Variants in RP1 observed in about 807,000 individuals in gnomAD.
RP1 encodes the protein oxygen-regulated protein 1.
In RP1, 16 loss-of-function variants were observed where a neutral mutation model predicts 14.8. The ratio of observed to expected loss-of-function variants is 1.08; its 90% confidence interval spans 0.73 to 1.65. The LOEUF (loss-of-function observed/expected upper bound fraction) is 1.65. RP1 is among the 40% of genes most tolerant of loss of function. The pLI is 0.00. For missense variants in RP1, 2,631 were observed against 2,535.0 expected (o/e 1.04, Z -0.81); for synonymous variants, 876 against 883.6 (o/e 0.99, Z 0.15).
At chr8:54,769,967 G>T in exon 23 of RP1, 1 of 563,762 alleles carries the variant, frequency 1.8e-6, no homozygotes, top group South Asian at 2.7e-5. Flanking sequence ...CATATGTAAA[G>T]CTGTGTCTTA....
At chr8:54,562,294 A>G (rs11992940) in intron 1 of RP1, among the ~76,000 whole-genome samples, 3,259 of 152,360 alleles carry the variant, frequency 0.021, 116 homozygotes, top group African/African-American at 0.073. Context: ...ATTAAATTGC[A>G]TGATTCACAT....
intron 16 of RP1, among the ~76,000 whole-genome samples, chr8:54,721,144 A>G (rs577528010): frequency 6.6e-6 from 1 of 152,354 alleles, no homozygotes; most frequent in East Asian, 1.9e-4. Flanking sequence ...ATGATGGTAT[A>G]TTTGGTCCTG....
chr8:54,719,593 A>G (rs892403531), intron 15 of RP1, among the ~76,000 whole-genome samples: 2 of 152,220 alleles, frequency 1.3e-5, no homozygotes, highest in Non-Finnish European at 2.9e-5. Context: ...TAATAATCTG[A>G]GGGTGTATAG....
chr8:54,803,797 C>T (rs1728851855), intron 24 of RP1, among the ~76,000 whole-genome samples: 1 of 152,146 alleles, frequency 6.6e-6, no homozygotes, highest in African/African-American at 2.4e-5. Flanking sequence ...GGGCCGGGCA[C>T]AATGGCTCAT....
At chr8:54,772,349 A>G (rs1809929921), downstream of RP1, among the ~76,000 whole-genome samples, 1 of 151,922 alleles carries the variant, frequency 6.6e-6, no homozygotes, top group African/African-American at 2.4e-5. Flanking sequence ...CAATAAATTT[A>G]TATTAATTAT....
chr8:54,813,113 C>T (rs1011151839), intron 24 of RP1, among the ~76,000 whole-genome samples: 4 of 152,290 alleles, frequency 2.6e-5, no homozygotes, highest in South Asian at 2.1e-4. Context: ...AAAGTGAAGC[C>T]GTAGGCATTG....
At chr8:54,719,844 A>G (rs943626561) in intron 15 of RP1, among the ~76,000 whole-genome samples, 1 of 152,228 alleles carries the variant, frequency 6.6e-6, no homozygotes, top group African/African-American at 2.4e-5. Context: ...GAGCAACTCT[A>G]AAATGAAATA....
chr8:54,852,315 A>C (rs1812076233), intron 25 of RP1, among the ~76,000 whole-genome samples: 1 of 152,178 alleles, frequency 6.6e-6, no homozygotes, highest in South Asian at 2.1e-4. Flanking sequence ...GTGAAAGTGC[A>C]GTGGTTATTG....
At chr8:54,794,801 T>C (rs893126185) in intron 24 of RP1, among the ~76,000 whole-genome samples, 3 of 151,732 alleles carry the variant, frequency 2.0e-5, no homozygotes, top group African/African-American at 7.3e-5. Context: ...TGAGTTGAAA[T>C]GAAATGGGAA....
At chr8:54,797,247 G>A (rs1810598494) in intron 24 of RP1, among the ~76,000 whole-genome samples, 3 of 152,060 alleles carry the variant, frequency 2.0e-5, no homozygotes, top group Non-Finnish European at 2.9e-5. Flanking sequence ...AAATGCAGTT[G>A]GAAGAATAGG....
At chr8:54,710,394 C>T (rs1808267335) in intron 15 of RP1, among the ~76,000 whole-genome samples, 1 of 152,168 alleles carries the variant, frequency 6.6e-6, no homozygotes, top group African/African-American at 2.4e-5. Flanking sequence ...CCCCAAGGTC[C>T]CAGAAGGGGT....
intron 17 of RP1, among the ~76,000 whole-genome samples, chr8:54,732,663 G>T (rs895455053): frequency 1.3e-5 from 2 of 152,172 alleles, no homozygotes; most frequent in African/African-American, 4.8e-5. Flanking sequence ...GATGTGCTGT[G>T]GAGTCTTTGT....
intron 1 of RP1, among the ~76,000 whole-genome samples, chr8:54,576,129 C>A (rs1007111824): frequency 8.6e-5 from 13 of 151,942 alleles, no homozygotes; most frequent in African/African-American, 3.1e-4. Context: ...CAAGCTCCGC[C>A]TCCCAGGTTC....
chr8:54,637,247 G>T (rs1806368006), intron 3 of RP1, among the ~76,000 whole-genome samples: 1 of 152,154 alleles, frequency 6.6e-6, no homozygotes, highest in Non-Finnish European at 1.5e-5. Context: ...TAGCTCGATA[G>T]GACTGATTGA....
At chr8:54,761,298 T>C (rs1286647438) in intron 22 of RP1, among the ~76,000 whole-genome samples, 1 of 143,968 alleles carries the variant, frequency 6.9e-6, no homozygotes, top group Non-Finnish European at 1.5e-5. Context: ...GTGCAGTGAC[T>C]CAATCTCAGC....
At chr8:54,598,502 T>C (rs1805201079) in intron 1 of RP1, among the ~76,000 whole-genome samples, 1 of 152,200 alleles carries the variant, frequency 6.6e-6, no homozygotes. Flanking sequence ...TCAAAAACAA[T>C]TTAGAAAATT....
At chr8:54,586,918 G>C (rs2129299244) in intron 1 of RP1, among the ~76,000 whole-genome samples, 1 of 152,318 alleles carries the variant, frequency 6.6e-6, no homozygotes, top group South Asian at 2.1e-4. Context: ...CTAGGAAAGG[G>C]AATTCCCTGA....
At chr8:54,669,139 G>T (rs1389607263) in intron 7 of RP1, among the ~76,000 whole-genome samples, 2 of 151,902 alleles carry the variant, frequency 1.3e-5, no homozygotes, top group Non-Finnish European at 1.5e-5. Flanking sequence ...CTGACAAAAG[G>T]CTAATACCCA....
chr8:54,825,071 G>A (rs1451699163), intron 24 of RP1, among the ~76,000 whole-genome samples: 1 of 151,948 alleles, frequency 6.6e-6, no homozygotes, highest in East Asian at 1.9e-4. Context: ...CCGGGTTCAC[G>A]CCATTCTCCT....
Sources: gnomAD v4.1 joint callset for allele counts (sites outside exome capture counted in the v4.1 genomes callset) on GRCh38, gnomAD v4.1.1 for gene constraint, MANE v1.5 for transcripts, NCBI Gene and HGNC (gene_info 2026-07-23, HGNC 2026-07-21) for gene names.